The following PLEKHM3 variants were observed in gnomAD, a reference collection of about 807,000 sequenced individuals.
The protein encoded by PLEKHM3 is pleckstrin homology domain-containing family M member 3.
In PLEKHM3, 45 loss-of-function variants were observed where a neutral mutation model predicts 81.8. The observed-to-expected ratio is 0.55, with a 90% CI of 0.43 to 0.71. The LOEUF (loss-of-function observed/expected upper bound fraction) is 0.71, where lower values mean the gene tolerates loss of function less well. PLEKHM3 is among the 30% of genes least tolerant of loss of function. PLEKHM3 has a pLI of 0.00. For missense variants in PLEKHM3, 788 were observed against 924.3 expected, an observed-to-expected ratio of 0.85 and a Z score of 1.91; for synonymous variants, 352 against 356.4, an observed-to-expected ratio of 0.99 and a Z score of 0.14.
intron 6 of PLEKHM3, among the ~76,000 whole-genome samples, chr2:207,864,245 CT>C (rs1250946428): frequency 6.6e-6 from 1 of 152,164 alleles, no homozygotes; most frequent in Non-Finnish European, 1.5e-5. Flanking sequence ...GATAGACCTT[CT>C]TTTATTTATG....
intron 5 of PLEKHM3, among the ~76,000 whole-genome samples, chr2:207,918,040 A>G (rs1226458707): frequency 3.3e-5 from 5 of 152,252 alleles, no homozygotes; most frequent in Admixed American, 6.5e-5. Flanking sequence ...TTAGTATTAG[A>G]TTGCTCATGC....
chr2:207,835,395 T>G (rs941940029), intron 7 of PLEKHM3, among the ~76,000 whole-genome samples: 4 of 152,146 alleles, frequency 2.6e-5, no homozygotes, highest in African/African-American at 7.2e-5. Flanking sequence ...TTACTTTATC[T>G]CTAAATCTCA....
chr2:207,882,039 A>G (rs1012497565), intron 6 of PLEKHM3, among the ~76,000 whole-genome samples: 16 of 152,214 alleles, frequency 1.1e-4, no homozygotes, highest in Non-Finnish European at 2.1e-4. Flanking sequence ...TCACAGTTCT[A>G]TGATTAAATC....
chr2:207,853,834 G>A (rs1336692990), intron 7 of PLEKHM3, among the ~76,000 whole-genome samples: 4 of 151,934 alleles, frequency 2.6e-5, no homozygotes, highest in Middle Eastern at 6.3e-3. Flanking sequence ...GCAGTGGCAC[G>A]ATCTTGGTTC....
chr2:207,969,301 T>C (rs1171875769), intron 3 of PLEKHM3, among the ~76,000 whole-genome samples: 2 of 152,240 alleles, frequency 1.3e-5, no homozygotes, highest in South Asian at 2.1e-4. Context: ...TTCTTAAGAA[T>C]TGCTATTCTA....
chr2:207,933,591 G>A (rs73983649), intron 4 of PLEKHM3, among the ~76,000 whole-genome samples: 5,319 of 152,152 alleles, frequency 0.035, 281 homozygotes, highest in African/African-American at 0.12. Flanking sequence ...TGAACAGAGC[G>A]ACAGAGGGCA....
At chr2:207,841,486 T>A (rs6743522) in intron 7 of PLEKHM3, among the ~76,000 whole-genome samples, 9 of 49,176 alleles carry the variant, frequency 1.8e-4, no homozygotes, top group Non-Finnish European at 1.9e-4. Context: ...AAAAAATATA[T>A]ATATATATAT....
At chr2:207,920,220 A>G (rs569753894) in intron 5 of PLEKHM3, among the ~76,000 whole-genome samples, 1 of 152,324 alleles carries the variant, frequency 6.6e-6, no homozygotes, top group South Asian at 2.1e-4. Flanking sequence ...GGTCTAAGTC[A>G]AGGACTAAAC....
chr2:207,850,780 T>C (rs1171210781), intron 7 of PLEKHM3, among the ~76,000 whole-genome samples: 2 of 152,178 alleles, frequency 1.3e-5, no homozygotes, highest in Non-Finnish European at 2.9e-5. Flanking sequence ...TATGTGACTT[T>C]TTTGCTTTTA....
intron 3 of PLEKHM3, among the ~76,000 whole-genome samples, chr2:207,951,595 C>T (rs543293735): frequency 1.6e-4 from 25 of 152,296 alleles, no homozygotes; most frequent in African/African-American, 6.0e-4. Flanking sequence ...AGAGCTTAGC[C>T]TCCCCTCTGA....
At chr2:207,877,686 T>C (rs1360647755) in intron 6 of PLEKHM3, among the ~76,000 whole-genome samples, 1 of 152,178 alleles carries the variant, frequency 6.6e-6, no homozygotes, top group Non-Finnish European at 1.5e-5. Flanking sequence ...ATAACACATA[T>C]AAGGTAAAGT....
chr2:207,978,198 CAG>C (rs1253951109), intron 2 of PLEKHM3, among the ~76,000 whole-genome samples: 2 of 152,148 alleles, frequency 1.3e-5, no homozygotes, highest in South Asian at 4.1e-4. Flanking sequence ...ACGTGAGATG[CAG>C]AGGTCTGTGT....
At chr2:207,841,918 A>AGTTTACT (rs1391169056) in intron 7 of PLEKHM3, among the ~76,000 whole-genome samples, 1 of 152,134 alleles carries the variant, frequency 6.6e-6, no homozygotes, top group Non-Finnish European at 1.5e-5. Flanking sequence ...ATACTAGGGA[A>AGTTTACT]GTTTACTGCC....
At position 207,822,784 on chromosome 2, in the gene PLEKHM3, G is replaced by C. The variant is rs75736152; in HGVS notation, c.*5535C>G. The C allele has an allele frequency of 0.022, 3,340 of 152,376 alleles. 122 individuals carry two copies. The highest frequency in any genetic ancestry group is 0.075 in the African/African-American group (3,136 of 41,552). 9.4% of individuals were successfully genotyped at this position (152,376 alleles called of 1,614,324 possible). ...CCAGATTTAGTTGAAGGGTCCTGCAGGCTTCAAGTGGTTCAGACTAGACTA... is the reference window on the plus strand; with the variant it reads ...CCAGATTTAGTTGAAGGGTCCTGCACGCTTCAAGTGGTTCAGACTAGACTA... On this transcript the variant is annotated 3_prime_UTR_variant, in exon 8 of 8. Transcript: ENST00000427836.
intron 3 of PLEKHM3, among the ~76,000 whole-genome samples, chr2:207,971,761 C>T (rs990267150): frequency 6.6e-6 from 1 of 152,174 alleles, no homozygotes; most frequent in South Asian, 2.1e-4. Flanking sequence ...GTAATTTCAC[C>T]GAAGAAGCAT....
Position 207,946,504 on chromosome 2 carries a change from G to T in PLEKHM3, c.1555C>A (p.Arg519=). The T allele has an allele frequency of 6.2e-7, 1 of 1,613,564 alleles. No homozygotes were observed. The highest frequency in any genetic ancestry group is 8.5e-7 in the Non-Finnish European group (1 of 1,179,748). The stretch of plus-strand genomic sequence containing the variant: ...TTCCCATTGGAAAGACCTATGGATC[G>T]CTGGCAGCCTGTTCAAGGAAAAAGG... ...AQSFKCAGCQ[R]SIGLSNGKAK... is the part of the protein sequence containing the mutation. Residue 519 remains arginine (R), a synonymous_variant, in exon 4 of 8, where the codon CGA becomes AGA. Transcript: ENST00000427836.
intron 7 of PLEKHM3, among the ~76,000 whole-genome samples, chr2:207,835,520 C>A (rs1433813664): frequency 6.6e-6 from 1 of 152,108 alleles, no homozygotes; most frequent in African/African-American, 2.4e-5. Flanking sequence ...TCTCCTCTCT[C>A]CAAATTGTCT....
chr2:207,945,161 T>C (rs957399761), intron 4 of PLEKHM3, among the ~76,000 whole-genome samples: 4 of 152,176 alleles, frequency 2.6e-5, no homozygotes, highest in Non-Finnish European at 5.9e-5. Flanking sequence ...TCTGTCACAA[T>C]TCATCTGGAA....
chr2:207,915,899 A>C (rs191947570), intron 5 of PLEKHM3, among the ~76,000 whole-genome samples: 30 of 152,294 alleles, frequency 2.0e-4, no homozygotes, highest in Admixed American at 7.8e-4. Context: ...ATATACCCAC[A>C]CTGAAATCAG....
Sources: allele counts gnomAD v4.1 joint callset (sites outside exome capture counted in the v4.1 genomes callset), GRCh38; gene constraint gnomAD v4.1.1; transcripts MANE v1.5; gene names NCBI Gene and HGNC (gene_info 2026-07-23, HGNC 2026-07-21).